NRXN3: variants seen among roughly 807,000 people sequenced by gnomAD.
NRXN3 encodes the protein neurexin 3.
Under a neutral mutation model 137.6 loss-of-function variants are expected in NRXN3, and 32 were observed. The observed-to-expected ratio is 0.23, with a 90% CI of 0.18 to 0.31. The LOEUF (loss-of-function observed/expected upper bound fraction) is 0.31. Ranked by LOEUF, NRXN3 falls within the 10% of genes least tolerant of loss-of-function variation. The probability of loss-of-function intolerance (pLI) is 1.00; values close to 1 mark genes in which losing one functional copy is unlikely to be tolerated. For missense variants in NRXN3, 1,574 were observed against 2,062.5 expected (o/e 0.76, Z 4.59); for synonymous variants, 798 against 784.5 (o/e 1.02, Z -0.29).
intron 16 of NRXN3, among the ~76,000 whole-genome samples, chr14:79,656,256 C>A (rs926211275): frequency 1.3e-5 from 2 of 152,148 alleles, no homozygotes; most frequent in African/African-American, 4.8e-5. Context: ...TCAGTCTGTA[C>A]TGGATTTTAG....
At chr14:78,307,232 A>G (rs566584897) in intron 4 of NRXN3, among the ~76,000 whole-genome samples, 1 of 152,128 alleles carries the variant, frequency 6.6e-6, no homozygotes, top group East Asian at 1.9e-4. Context: ...ATATACCCAC[A>G]TAAATACCAT....
intron 4 of NRXN3, among the ~76,000 whole-genome samples, chr14:78,406,112 C>T (rs2092467471): frequency 6.6e-6 from 1 of 152,122 alleles, no homozygotes. Flanking sequence ...ATGCTAAGGG[C>T]TAGGAAGTTT....
chr14:79,281,613 T>A (rs2081288794), intron 15 of NRXN3: 1 of 151,942 alleles, frequency 6.6e-6, no homozygotes, highest in African/African-American at 2.4e-5. Context: ...AGGAATCAGG[T>A]TTTCAGCCTG....
chr14:79,090,994 A>G (rs753090026), intron 15 of NRXN3, among the ~76,000 whole-genome samples: 5 of 152,052 alleles, frequency 3.3e-5, no homozygotes, highest in Non-Finnish European at 7.4e-5. Flanking sequence ...GGAACTCACA[A>G]GGAGGTGTCT....
intron 15 of NRXN3, among the ~76,000 whole-genome samples, chr14:79,409,743 A>C (rs1019565094): frequency 6.6e-6 from 1 of 150,726 alleles, no homozygotes; most frequent in South Asian, 2.1e-4. Flanking sequence ...ATTCATGCCA[A>C]TTCTCCATAC....
intron 10 of NRXN3, among the ~76,000 whole-genome samples, chr14:78,844,384 G>A (rs1039864696): frequency 6.6e-6 from 1 of 151,992 alleles, no homozygotes; most frequent in African/African-American, 2.4e-5. Flanking sequence ...AGATTCACAG[G>A]TTCTGGGGAT....
chr14:78,868,808 C>T (rs958508440), intron 10 of NRXN3, among the ~76,000 whole-genome samples: 11 of 151,420 alleles, frequency 7.3e-5, no homozygotes, highest in African/African-American at 1.9e-4. Context: ...GCAAAAAAAG[C>T]GAAACTCCAT....
At chr14:78,756,904 T>C (rs1022431091) in intron 8 of NRXN3, among the ~76,000 whole-genome samples, 2 of 152,230 alleles carry the variant, frequency 1.3e-5, no homozygotes, top group East Asian at 1.9e-4. Context: ...TAGATTTGGT[T>C]GAAGGGAAAG....
intron 10 of NRXN3, among the ~76,000 whole-genome samples, chr14:78,952,278 AAAAAC>A (rs1170548632): frequency 7.2e-5 from 11 of 152,176 alleles, no homozygotes; most frequent in Non-Finnish European, 1.5e-4. Flanking sequence ...CTAAGTTTGT[AAAAAC>A]AAAACAAAAC....
At chr14:79,388,290 T>G (rs2094712186) in intron 15 of NRXN3, among the ~76,000 whole-genome samples, 1 of 152,020 alleles carries the variant, frequency 6.6e-6, no homozygotes, top group Admixed American at 6.6e-5. Context: ...CAGAACCAAC[T>G]ACACATCTTT....
intron 19 of NRXN3, among the ~76,000 whole-genome samples, chr14:79,777,729 A>G (rs2140010535): frequency 6.6e-6 from 1 of 152,056 alleles, no homozygotes; most frequent in African/African-American, 2.4e-5. Context: ...CAGTAAAATA[A>G]GAATTTTGTG....
chr14:78,297,460 G>A (rs146898655), intron 3 of NRXN3, among the ~76,000 whole-genome samples: 7 of 152,150 alleles, frequency 4.6e-5, no homozygotes, highest in African/African-American at 1.2e-4. Flanking sequence ...TTTACCTGGC[G>A]TCTTAAGTCT....
chr14:78,489,881 C>T (rs1001433315), intron 4 of NRXN3, among the ~76,000 whole-genome samples: 15 of 150,690 alleles, frequency 1.0e-4, no homozygotes, highest in African/African-American at 3.4e-4. Context: ...TAAGATGCCA[C>T]TCAAGAGCTC....
chr14:79,699,262 G>A (rs1301149470), intron 19 of NRXN3, among the ~76,000 whole-genome samples: 1 of 151,882 alleles, frequency 6.6e-6, no homozygotes, highest in Non-Finnish European at 1.5e-5. Context: ...TCACTGAAAA[G>A]AAGATAAAAG....
chr14:79,178,807 G>C (rs561607058), intron 15 of NRXN3, among the ~76,000 whole-genome samples: 35 of 152,110 alleles, frequency 2.3e-4, no homozygotes, highest in Non-Finnish European at 5.0e-4. Context: ...CCAGATACTG[G>C]AAACCAAGTG....
At chr14:79,612,519 C>T (rs985137322) in intron 16 of NRXN3, among the ~76,000 whole-genome samples, 9 of 152,150 alleles carry the variant, frequency 5.9e-5, no homozygotes, top group African/African-American at 2.2e-4. Context: ...AAGAAACTGC[C>T]AATTCCCATG....
intron 15 of NRXN3, among the ~76,000 whole-genome samples, chr14:79,273,184 A>AT: frequency 6.7e-6 from 1 of 149,850 alleles, no homozygotes; most frequent in Non-Finnish European, 1.5e-5. Flanking sequence ...AAAAAAAAAA[A>AT]AAAAAAAAAA....
intron 16 of NRXN3, among the ~76,000 whole-genome samples, chr14:79,520,894 T>G (rs536275188): frequency 3.3e-5 from 5 of 152,322 alleles, no homozygotes; most frequent in African/African-American, 1.2e-4. Context: ...AAATACCATT[T>G]GACCCAGCAA....
intron 15 of NRXN3, among the ~76,000 whole-genome samples, chr14:79,262,615 A>G (rs2077801134): frequency 6.6e-6 from 1 of 152,186 alleles, no homozygotes; most frequent in African/African-American, 2.4e-5. Context: ...TTTTCCAAAT[A>G]TTTGTCAAAA....
Sources: allele counts gnomAD v4.1 joint callset (sites outside exome capture counted in the v4.1 genomes callset), GRCh38; gene constraint gnomAD v4.1.1; transcripts MANE v1.5; gene names NCBI Gene and HGNC (gene_info 2026-07-23, HGNC 2026-07-21).